Variants in MDFIC2 observed in about 807,000 individuals in gnomAD.
MDFIC2 encodes MyoD family inhibitor domain containing 2, also known as myoD family inhibitor domain-containing protein 2.
intron 2 of MDFIC2, among the ~76,000 whole-genome samples, chr3:70,241,451 T>C (rs1237260217): frequency 6.6e-6 from 1 of 152,210 alleles, no homozygotes; most frequent in Non-Finnish European, 1.5e-5. Flanking sequence ...TTTGTAAATA[T>C]GATGAAAAGA....
At chr3:70,235,464 G>A (rs1249577250) in intron 2 of MDFIC2, among the ~76,000 whole-genome samples, 2 of 152,132 alleles carry the variant, frequency 1.3e-5, no homozygotes, top group Non-Finnish European at 2.9e-5. Flanking sequence ...TACATGCTAG[G>A]TGCTTAATAA....
chr3:70,311,915 T>C lies in MDFIC2; in HGVS notation c.59A>G (p.Asp20Gly), dbSNP rs1487231073. 2.5e-6 allele frequency: 1 copy of C among 397,790 alleles called. No homozygotes were observed. The highest frequency in any genetic ancestry group is 2.1e-5 in the African/African-American group (1 of 48,610). The allele number at this position is 397,790 out of a possible 1,614,324, so 24.6% of individuals were successfully genotyped here. The change falls in exon 2 of 4, where the codon GAT becomes GGT. Residue 20 changes from aspartate to glycine, a missense_variant. By Grantham distance (94) the Asp-to-Gly change is moderately conservative (BLOSUM62 -1). Coordinates refer to ENST00000567252, the MANE Select transcript of MDFIC2 (RefSeq NM_001364677.1). ...KVRTAEHLENDKNNISWLKED... is the reference protein window; with the variant it reads ...KVRTAEHLENGKNNISWLKED... ...TTTCAACCAAGAAATGTTATTTTTA[T>C]CATTTTCTAAATGCTCAGCTGTTCT... is the stretch of plus-strand genomic sequence containing the variant.
intron 2 of MDFIC2, among the ~76,000 whole-genome samples, chr3:70,307,626 C>T (rs1702414865): frequency 6.6e-6 from 1 of 152,068 alleles, no homozygotes; most frequent in Non-Finnish European, 1.5e-5. Flanking sequence ...TTCAAGGCTG[C>T]TAAATGTAGC....
At chr3:70,264,067 A>G (rs1701892510) in intron 2 of MDFIC2, among the ~76,000 whole-genome samples, 1 of 152,224 alleles carries the variant, frequency 6.6e-6, no homozygotes, top group South Asian at 2.1e-4. Flanking sequence ...TCTTGTGTCT[A>G]GCACAATCAC....
intron 2 of MDFIC2, among the ~76,000 whole-genome samples, chr3:70,236,972 CAT>C (rs1187283341): frequency 6.6e-6 from 1 of 152,162 alleles, no homozygotes; most frequent in Non-Finnish European, 1.5e-5. Flanking sequence ...TGTGAAAAAT[CAT>C]AGCTTAAGCA....
At chr3:70,203,943 G>A (rs1701266722) in intron 3 of MDFIC2, among the ~76,000 whole-genome samples, 1 of 152,026 alleles carries the variant, frequency 6.6e-6, no homozygotes, top group Non-Finnish European at 1.5e-5. Context: ...ATTCAGGAAA[G>A]GGACCACACA....
intron 2 of MDFIC2, among the ~76,000 whole-genome samples, chr3:70,242,196 T>A (rs568173168): frequency 1.3e-5 from 2 of 152,202 alleles, no homozygotes; most frequent in African/African-American, 4.8e-5. Context: ...TTCTGGAGTA[T>A]CTTTCCAACC....
At chr3:70,225,956 G>T (rs1042997766) in intron 2 of MDFIC2, among the ~76,000 whole-genome samples, 8 of 152,032 alleles carry the variant, frequency 5.3e-5, no homozygotes, top group Admixed American at 3.3e-4. Flanking sequence ...TGATGCTTAC[G>T]TCATTAACAA....
intron 2 of MDFIC2, among the ~76,000 whole-genome samples, chr3:70,264,533 G>C (rs1010380653): frequency 3.9e-5 from 6 of 152,180 alleles, no homozygotes; most frequent in Non-Finnish European, 7.3e-5. Flanking sequence ...GAATTTATTG[G>C]TGAGCATGGA....
intron 2 of MDFIC2, among the ~76,000 whole-genome samples, chr3:70,263,649 G>A (rs1049820991): frequency 6.6e-6 from 1 of 152,134 alleles, no homozygotes; most frequent in East Asian, 1.9e-4. Context: ...AAAGACTCAA[G>A]GGAGCCCTAC....
chr3:70,269,733 T>TA lies in MDFIC2; in HGVS notation c.88+42152dup, dbSNP rs1449030711. 2.0e-5 allele frequency among the ~76,000 whole-genome samples: 3 copies of TA among 152,086 alleles called. No individual in the cohort carries two copies. The East Asian group carries it at 5.8e-4, about 29-fold the overall frequency. ...CTAGGAATTAATGACAAAACTGTTTTAAAAAATGCCTAGTCTATTGAATGT... is the reference window on the plus strand; with the variant it reads ...CTAGGAATTAATGACAAAACTGTTTTAAAAAAATGCCTAGTCTATTGAATGT... On this transcript the variant is annotated intron_variant, in intron 2 of 3. Coordinates refer to ENST00000567252, the MANE Select transcript of MDFIC2 (RefSeq NM_001364677.1).
At chr3:70,261,811 C>G (rs1172752806) in intron 2 of MDFIC2, among the ~76,000 whole-genome samples, 1 of 152,148 alleles carries the variant, frequency 6.6e-6, no homozygotes. Context: ...CCCGTGGAAC[C>G]AAGAAGACTA....
At chr3:70,279,777 A>G (rs576586001) in intron 2 of MDFIC2, among the ~76,000 whole-genome samples, 7 of 151,998 alleles carry the variant, frequency 4.6e-5, no homozygotes, top group Non-Finnish European at 1.0e-4. Context: ...TTTTCCTTCC[A>G]TGGGCTGTTC....
chr3:70,284,763 G>A (rs1375184541), intron 2 of MDFIC2, among the ~76,000 whole-genome samples: 1 of 152,240 alleles, frequency 6.6e-6, no homozygotes, highest in Middle Eastern at 3.4e-3. Context: ...AGGGTAGGAG[G>A]AGACAGAGGA....
intron 2 of MDFIC2, among the ~76,000 whole-genome samples, chr3:70,304,743 A>G (rs774664580): frequency 1.3e-5 from 2 of 152,132 alleles, no homozygotes; most frequent in African/African-American, 4.8e-5. Flanking sequence ...TCTTTACCTC[A>G]TGCAATATAA....
chr3:70,222,667 A>G (rs1472503531), intron 2 of MDFIC2, among the ~76,000 whole-genome samples: 1 of 152,086 alleles, frequency 6.6e-6, no homozygotes, highest in Non-Finnish European at 1.5e-5. Context: ...CATCCTTACC[A>G]CTTAGCTAAT....
intron 2 of MDFIC2, among the ~76,000 whole-genome samples, chr3:70,284,408 A>C (rs1036496659): frequency 6.6e-6 from 1 of 152,178 alleles, no homozygotes; most frequent in Non-Finnish European, 1.5e-5. Context: ...CTAAAAACAA[A>C]AGCAAAAACA....
At chr3:70,261,749 G>A (rs1360537821) in intron 2 of MDFIC2, among the ~76,000 whole-genome samples, 2 of 152,154 alleles carry the variant, frequency 1.3e-5, no homozygotes, top group African/African-American at 4.8e-5. Flanking sequence ...CTGGGCATGT[G>A]CAGAGGAGGA....
chr3:70,236,467 GTTC>G (rs1701610073), intron 2 of MDFIC2, among the ~76,000 whole-genome samples: 1 of 152,106 alleles, frequency 6.6e-6, no homozygotes, highest in Non-Finnish European at 1.5e-5. Flanking sequence ...CTTGCAACAT[GTTC>G]TTCTTACTAA....
Sources: gnomAD v4.1 joint callset for allele counts (sites outside exome capture counted in the v4.1 genomes callset) on GRCh38, gnomAD v4.1.1 for gene constraint, MANE v1.5 for transcripts, NCBI Gene and HGNC (gene_info 2026-07-23, HGNC 2026-07-21) for gene names.